PAPPA2: variants seen among roughly 807,000 people sequenced by gnomAD.
The protein encoded by PAPPA2 is pappalysin 2.
A neutral mutation model predicts 176.4 loss-of-function variants in PAPPA2; 86 were observed. The ratio of observed to expected loss-of-function variants is 0.49; its 90% CI spans 0.41 to 0.58. The LOEUF (loss-of-function observed/expected upper bound fraction) is 0.58. Ranked by LOEUF, PAPPA2 falls within the 20% of genes least tolerant of loss-of-function variation. PAPPA2 has a pLI of 0.00. For synonymous variants in PAPPA2, 809 were observed against 852.2 expected, an observed-to-expected ratio of 0.95 and a Z score of 0.88; for missense variants, 2,073 against 2,256.9, an observed-to-expected ratio of 0.92 and a Z score of 1.65.
intron 2 of PAPPA2, among the ~76,000 whole-genome samples, chr1:176,572,695 A>G (rs1439806120): frequency 2.0e-5 from 3 of 152,238 alleles, no homozygotes; most frequent in Non-Finnish European, 4.4e-5. Flanking sequence ...TTGAAGCAAT[A>G]TAAGAAACAC....
At position 176,468,892 on chromosome 1, in the gene PAPPA2, G is replaced by A. The variant is rs148202343; in HGVS notation, c.-917+5474G>A. Reference sequence around the variant, plus strand: ...TAAATAAGAATACTATGTTTATGGAGCATATACTACCTGTCTGGTACTGTT... The same window carrying A: ...TAAATAAGAATACTATGTTTATGGAACATATACTACCTGTCTGGTACTGTT... On this transcript the variant is annotated intron_variant, in intron 1 of 22. Coordinates refer to ENST00000367662, the MANE Select transcript of PAPPA2 (RefSeq NM_020318.3). 9.5e-4 allele frequency among the ~76,000 whole-genome samples: 145 copies of A among 152,290 alleles called. 1 individual carries two copies. The highest frequency in any genetic ancestry group is 2.8e-3 in the African/African-American group (116 of 41,560).
chr1:176,810,000 G>T (rs1399832399), intron 21 of PAPPA2, among the ~76,000 whole-genome samples: 3 of 138,676 alleles, frequency 2.2e-5, no homozygotes, highest in African/African-American at 7.9e-5. Context: ...GTGTGTGTGT[G>T]TTACAGTTCT....
At chr1:176,564,033 C>G (rs1266922918) in intron 2 of PAPPA2, among the ~76,000 whole-genome samples, 1 of 152,208 alleles carries the variant, frequency 6.6e-6, no homozygotes, top group Non-Finnish European at 1.5e-5. Flanking sequence ...TCTCTCCCAG[C>G]CTTTTCAGGA....
intron 14 of PAPPA2, among the ~76,000 whole-genome samples, chr1:176,755,762 A>T: frequency 6.6e-6 from 1 of 152,084 alleles, no homozygotes. Context: ...TACAGTCAAA[A>T]ATTTGCCTAT....
chr1:176,586,676 T>G (rs562404748), intron 2 of PAPPA2, among the ~76,000 whole-genome samples: 3 of 152,380 alleles, frequency 2.0e-5, no homozygotes, highest in Non-Finnish European at 4.4e-5. Context: ...CCACATTTTC[T>G]TTATCCAGTC....
At chr1:176,746,751 G>A (rs371880869) in intron 14 of PAPPA2, among the ~76,000 whole-genome samples, 1 of 152,082 alleles carries the variant, frequency 6.6e-6, no homozygotes, top group African/African-American at 2.4e-5. Flanking sequence ...GGGTTCTAAG[G>A]TTTGCCTTGA....
intron 3 of PAPPA2, among the ~76,000 whole-genome samples, chr1:176,639,890 C>G (rs933295089): frequency 6.6e-6 from 1 of 151,548 alleles, no homozygotes; most frequent in Non-Finnish European, 1.5e-5. Context: ...ATCAGTGTAG[C>G]AATTACAGAA....
intron 21 of PAPPA2, among the ~76,000 whole-genome samples, chr1:176,801,105 G>GCACA (rs111806822): frequency 9.9e-4 from 147 of 148,950 alleles, no homozygotes; most frequent in East Asian, 3.2e-3. Flanking sequence ...ACACACACAC[G>GCACA]CACACACACA....
intron 3 of PAPPA2, among the ~76,000 whole-genome samples, chr1:176,598,738 T>C (rs979920267): frequency 2.0e-5 from 3 of 152,206 alleles, no homozygotes; most frequent in Non-Finnish European, 4.4e-5. Flanking sequence ...AAATGTTTTT[T>C]ACACTCCTAT....
At chr1:176,680,521 C>A (rs1003435931) in intron 4 of PAPPA2, among the ~76,000 whole-genome samples, 5 of 152,104 alleles carry the variant, frequency 3.3e-5, no homozygotes, top group African/African-American at 1.2e-4. Flanking sequence ...TTGTAAGAAA[C>A]AATACAAAAA....
At chr1:176,699,648 T>C in intron 8 of PAPPA2, 59 bp downstream of exon 8, 1 of 1,523,032 alleles carries the variant, frequency 6.6e-7, no homozygotes, top group Non-Finnish European at 8.8e-7. Flanking sequence ...GTTTTGTTAC[T>C]TTTCCCCCAC....
intron 14 of PAPPA2, among the ~76,000 whole-genome samples, chr1:176,746,413 T>TC (rs930625744): frequency 5.3e-5 from 8 of 152,152 alleles, no homozygotes; most frequent in Admixed American, 1.3e-4. Context: ...TTTCTTTTTT[T>TC]CTTTTTTTTA....
At chr1:176,763,007 T>C (rs1157955299) in intron 14 of PAPPA2, among the ~76,000 whole-genome samples, 1 of 152,216 alleles carries the variant, frequency 6.6e-6, no homozygotes. Flanking sequence ...CCCAAGGGCA[T>C]AAGAGCAGGG....
At chr1:176,472,915 G>A (rs1651947755) in intron 1 of PAPPA2, among the ~76,000 whole-genome samples, 1 of 152,016 alleles carries the variant, frequency 6.6e-6, no homozygotes, top group South Asian at 2.1e-4. Flanking sequence ...TGAGCACAAG[G>A]CACAGAGATT....
Position 176,624,509 on chromosome 1 carries a change from G to A in PAPPA2, c.1991+28914G>A, listed in dbSNP as rs1420224476. Among the ~76,000 whole-genome samples, 7 of 152,266 alleles carry A rather than the reference G, an allele frequency of 4.6e-5. No homozygotes were observed. The East Asian group carries it at 1.4e-3, about 29-fold the overall frequency. ...TTTTGTCACCTTTTTGGTTAGCAAG[G>A]TACTTAAGACCTTTCTTCATTTTCC... On this transcript the variant is annotated intron_variant, in intron 3 of 22. Transcript: ENST00000367662.
At chr1:176,718,173 G>A (rs1280685316) in intron 12 of PAPPA2, among the ~76,000 whole-genome samples, 1 of 151,850 alleles carries the variant, frequency 6.6e-6, no homozygotes, top group East Asian at 1.9e-4. Context: ...AATAAGTTGG[G>A]TTTTTCAAAT....
At chr1:176,795,296 C>G (rs1665378840) in intron 20 of PAPPA2, among the ~76,000 whole-genome samples, 1 of 152,250 alleles carries the variant, frequency 6.6e-6, no homozygotes, top group South Asian at 2.1e-4. Flanking sequence ...CTCCTTCACC[C>G]CCGGTATCTC....
intron 8 of PAPPA2, among the ~76,000 whole-genome samples, chr1:176,701,662 T>C (rs1187767940): frequency 1.3e-5 from 2 of 152,110 alleles, no homozygotes; most frequent in Non-Finnish European, 2.9e-5. Flanking sequence ...GTGGGTGAGT[T>C]GAAAAGTCTG....
intron 3 of PAPPA2, among the ~76,000 whole-genome samples, chr1:176,602,089 C>T (rs2102662448): frequency 6.6e-6 from 1 of 152,238 alleles, no homozygotes; most frequent in East Asian, 1.9e-4. Flanking sequence ...TCTGACCATG[C>T]TCTGAAGCAG....
Sources: gnomAD v4.1 joint callset for allele counts (sites outside exome capture counted in the v4.1 genomes callset) on GRCh38, gnomAD v4.1.1 for gene constraint, MANE v1.5 for transcripts, NCBI Gene and HGNC (gene_info 2026-07-23, HGNC 2026-07-21) for gene names.